Variants in CWF19L1 observed in about 807,000 individuals in gnomAD.
CWF19L1 encodes CWF19-like protein 1.
In CWF19L1, 60 loss-of-function variants were observed where a neutral mutation model predicts 69.7. That is an observed-to-expected ratio of 0.86 (90% CI 0.70 to 1.07). The LOEUF is 1.07. CWF19L1 is among the 50% of genes least tolerant of loss of function. The pLI, the probability that CWF19L1 is intolerant of heterozygous loss-of-function variation, is 0.00. For synonymous variants in CWF19L1, 209 were observed against 222.2 expected (o/e 0.94, Z 0.53); for missense variants, 591 against 638.9 (o/e 0.92, Z 0.81).
chr10:100,248,659 G>T, intron 7 of CWF19L1: 1 of 858,818 alleles, frequency 1.2e-6, no homozygotes. Context: ...GGCTCACTTT[G>T]ATGCTGGAGA....
intron 11 of CWF19L1, 47 bp downstream of exon 11, chr10:100,237,975 A>G: frequency 6.5e-7 from 1 of 1,548,226 alleles, no homozygotes; most frequent in Non-Finnish European, 8.9e-7. Flanking sequence ...TACCAATATC[A>G]AAGTCCCCAT....
chr10:100,256,818 A>C (rs1435302777), intron 4 of CWF19L1, among the ~76,000 whole-genome samples: 7 of 152,326 alleles, frequency 4.6e-5, no homozygotes, highest in Admixed American at 4.6e-4. Flanking sequence ...ATGGACTTAA[A>C]TGCAGACATC....
chr10:100,266,808 C>T (rs1179213798), intron 1 of CWF19L1, among the ~76,000 whole-genome samples: 1 of 151,534 alleles, frequency 6.6e-6, no homozygotes, highest in East Asian at 1.9e-4. Context: ...GCGTGAGCCA[C>T]CGCGCCCGGC....
intron 4 of CWF19L1, among the ~76,000 whole-genome samples, chr10:100,258,103 T>C (rs1269113718): frequency 1.3e-5 from 2 of 152,126 alleles, no homozygotes; most frequent in African/African-American, 2.4e-5. Flanking sequence ...CCGGGCATGG[T>C]GGCACACACC....
intron 5 of CWF19L1, chr10:100,254,219 A>G (rs1847136914): frequency 6.6e-6 from 1 of 152,248 alleles, no homozygotes; most frequent in Non-Finnish European, 1.5e-5. Flanking sequence ...AGACAGTCAT[A>G]GTCAATTCAG....
At chr10:100,247,520 G>A (rs987299056) in intron 7 of CWF19L1, among the ~76,000 whole-genome samples, 4 of 152,202 alleles carry the variant, frequency 2.6e-5, no homozygotes, top group African/African-American at 7.2e-5. Flanking sequence ...ATAAATAGAT[G>A]TTTAAACTTA....
intron 7 of CWF19L1, among the ~76,000 whole-genome samples, chr10:100,249,789 T>C (rs1846962892): frequency 6.6e-6 from 1 of 152,210 alleles, no homozygotes; most frequent in African/African-American, 2.4e-5. Flanking sequence ...TTTCACCATG[T>C]TGGCCAGGCT....
At position 100,267,436 on chromosome 10, in the gene CWF19L1, T is replaced by G. The variant is rs1847638412; in HGVS notation, c.23+135A>C. On this transcript the variant is annotated intron_variant, in intron 1 of 13. Transcript: ENST00000354105. ...GCCCCGGCCAGGCAAAGACATCACCTAAGCTCCCCAGCAGCCCCGTGTCTC... is the reference window on the plus strand; with the variant it reads ...GCCCCGGCCAGGCAAAGACATCACCGAAGCTCCCCAGCAGCCCCGTGTCTC... 110 of 1,574,002 alleles carry G rather than the reference T, an allele frequency of 7.0e-5. No individual in the cohort carries two copies. The South Asian group carries it at 1.2e-3, about 17-fold the overall frequency.
chr10:100,259,715 C>A (rs1847331265), intron 4 of CWF19L1, among the ~76,000 whole-genome samples: 1 of 152,036 alleles, frequency 6.6e-6, no homozygotes, highest in Non-Finnish European at 1.5e-5. Flanking sequence ...ATGCCACTGT[C>A]CTAAAGGCAT....
chr10:100,238,194 T>A lies in CWF19L1; in HGVS notation c.1082A>T (p.Asp361Val), dbSNP rs1289845045. Residue 361 changes from aspartate to valine, a missense_variant, in exon 11 of 14, where the codon GAC becomes GTC. Coordinates refer to ENST00000354105, the MANE Select transcript of CWF19L1 (RefSeq NM_018294.6). ...LALAKGGLSD[D>V]HVLILPIGHY... is the part of the protein sequence containing the mutation. ...TCCAATAGGCAGGATGAGGACATGG[T>A]CATCAGATAAGCCTCCTTTGGCCAG... The A allele has an allele frequency of 6.2e-7, 1 of 1,614,124 alleles. No individual in the cohort carries two copies. Among genetic ancestry groups the A allele is most frequent in the East Asian group, 2.2e-5 (1 of 44,882 alleles).
intron 11 of CWF19L1, among the ~76,000 whole-genome samples, chr10:100,237,475 T>C (rs1846482860): frequency 6.6e-6 from 1 of 152,136 alleles, no homozygotes. Flanking sequence ...AACTACCCAT[T>C]CCTTTTCTAA....
rs781285945 is a variant in CWF19L1, at chr10:100,236,101, CT to C, written c.1375-338del. 3.2e-3 allele frequency among the ~76,000 whole-genome samples: 426 copies of C among 131,350 alleles called. 2 individuals are homozygous for C. Among genetic ancestry groups the C allele is most frequent in the South Asian group, 5.2e-3 (21 of 4,032 alleles). The allele number at this position is 131,350 out of a possible 152,430, so 86.2% of individuals were successfully genotyped here. The stretch of plus-strand genomic sequence containing the variant: ...TCTAGTTCCAAATTGTCCACTGCCT[CT>C]TTTTTTTTTTTTTTTTTTTAGAGAC... On this transcript the variant is annotated intron_variant, in intron 12 of 13. Transcript: ENST00000354105.
rs2134320456 is a variant in CWF19L1, at chr10:100,260,217, C to G, written c.289+1G>C. 1 of 1,575,260 alleles carries G rather than the reference C, an allele frequency of 6.3e-7. No homozygotes were observed. Among genetic ancestry groups the G allele is most frequent in the East Asian group, 2.2e-5 (1 of 44,548 alleles). The stretch of plus-strand genomic sequence containing the variant: ...AAAAAATACAACAAGTATCAGCTTA[C>G]CCAGATAAGTAATGTTTTCAGCTAA... On this transcript the variant is annotated splice_donor_variant, in intron 4 of 13. Coordinates refer to ENST00000354105, the MANE Select transcript of CWF19L1 (RefSeq NM_018294.6). LOFTEE classifies it high-confidence loss of function.
In CWF19L1 at chr10:100,246,902, G is replaced by C; in HGVS notation, c.742C>G (p.Leu248Val). The change falls in exon 8 of 14, where the codon CTA (leucine) becomes GTA (valine). Residue 248 changes from leucine to valine, a missense_variant. Leu to Val is a conservative substitution (Grantham distance 32, BLOSUM62 1). This residue lies in a region of CWF19L1 where 458 missense variants were observed against 489.3 expected (regional missense o/e 0.94). Transcript: ENST00000354105. ...LYAFSIVPMK[L>V]MDAAELVKQP... The stretch of plus-strand genomic sequence containing the variant: ...TTTACCAGTTCTGCTGCATCCATTA[G>C]CTTCATGGGAACAATACTGAACGCG... 6.2e-7 allele frequency: 1 copy of C among 1,613,620 alleles called. No individual in the cohort carries two copies. Among genetic ancestry groups the C allele is most frequent in the Non-Finnish European group, 8.5e-7 (1 of 1,179,636 alleles).
At chr10:100,236,798 CA>C (rs1042127377) in intron 12 of CWF19L1, 51 bp downstream of exon 12, 60 of 1,528,186 alleles carry the variant, frequency 3.9e-5, no homozygotes, top group Admixed American at 1.5e-4. Flanking sequence ...CAAACAACAA[CA>C]AAAAAAACAG....
At chr10:100,238,503 T>C (rs561463359) in intron 10 of CWF19L1, among the ~76,000 whole-genome samples, 1 of 152,310 alleles carries the variant, frequency 6.6e-6, no homozygotes, top group Non-Finnish European at 1.5e-5. Context: ...AAGCAGGCTT[T>C]TGGCTTCAAA....
chr10:100,245,710 G>A (rs534085649), intron 9 of CWF19L1, 89 bp downstream of exon 9: 4 of 907,944 alleles, frequency 4.4e-6, no homozygotes, highest in Admixed American at 4.1e-5. Context: ...CCTGCCAGAA[G>A]AGGCTCTCTT....
intron 11 of CWF19L1, 33 bp from the exon 12 acceptor site, chr10:100,237,002 T>C (rs1473089272): frequency 6.5e-7 from 1 of 1,547,756 alleles, no homozygotes; most frequent in Admixed American, 2.0e-5. Flanking sequence ...AAATTCCTTG[T>C]GCAGGTCCCA....
rs1846521381 is a variant in CWF19L1, at chr10:100,238,342, G to A, written c.1045-111C>T. The stretch of plus-strand genomic sequence containing the variant: ...AGGGTGTAGGCGAAAAGTACTTGAG[G>A]TTATTAATAAAAATTCTTTCTTGAA... On this transcript the variant is annotated intron_variant, in intron 10 of 13. Transcript: ENST00000354105. The A allele has an allele frequency of 3.1e-5, 27 of 864,472 alleles. No individual in the cohort carries two copies. The South Asian group carries it at 4.2e-4, about 14-fold the overall frequency. The allele number at this position is 864,472 out of a possible 1,614,324, so 53.6% of individuals were successfully genotyped here.
Sources: allele counts gnomAD v4.1 joint callset (sites outside exome capture counted in the v4.1 genomes callset), GRCh38; gene constraint gnomAD v4.1.1; regional missense constraint gnomAD v4.1.1; transcripts MANE v1.5; gene names NCBI Gene and HGNC (gene_info 2026-07-23, HGNC 2026-07-21).